MYL4: variants seen among roughly 807,000 people sequenced by gnomAD.
The protein encoded by MYL4 is atrial myosin light chain 1.
MYL4 carries 16 observed loss-of-function variants against 21.6 expected under a neutral mutation model. The ratio of observed to expected loss-of-function variants is 0.74; its 90% CI spans 0.50 to 1.12. The LOEUF (loss-of-function observed/expected upper bound fraction) is 1.12. MYL4 is among the 50% of genes most tolerant of loss of function. The pLI is 0.00. For synonymous variants in MYL4, 82 were observed against 95.7 expected (o/e 0.86, Z 0.83); for missense variants, 249 against 252.9 (o/e 0.98, Z 0.11).
At chr17:47,195,743 T>A (rs1026439295), upstream of MYL4, among the ~76,000 whole-genome samples, 4 of 152,234 alleles carry the variant, frequency 2.6e-5, no homozygotes, top group African/African-American at 9.6e-5. Flanking sequence ...CCTCCAAATA[T>A]ACTTCTTCCA....
chr17:47,216,537 A>G (rs1007958128), intron 2 of MYL4, among the ~76,000 whole-genome samples: 10 of 152,074 alleles, frequency 6.6e-5, no homozygotes. Flanking sequence ...CCTATAGCAT[A>G]TATTTTTTCA....
At chr17:47,190,956 G>C in the MYL4 span, among the ~76,000 whole-genome samples, 3 of 152,248 alleles carry the variant, frequency 2.0e-5, no homozygotes, top group Non-Finnish European at 2.9e-5. Flanking sequence ...TCACTCACAT[G>C]TCTAGGGTGT....
chr17:47,226,356 G>T (rs151050368), downstream of MYL4, among the ~76,000 whole-genome samples: 130 of 152,336 alleles, frequency 8.5e-4, no homozygotes, highest in African/African-American at 3.0e-3. Context: ...GTGCCCCAAG[G>T]TTGGTGCTTA....
upstream of MYL4, among the ~76,000 whole-genome samples, chr17:47,208,100 T>C (rs953912322): frequency 5.3e-5 from 8 of 152,142 alleles, no homozygotes; most frequent in South Asian, 1.2e-3. Context: ...AATCTCCCCA[T>C]GTGTAAAGTG....
the MYL4 span, among the ~76,000 whole-genome samples, chr17:47,191,034 TA>T: frequency 6.6e-6 from 1 of 152,220 alleles, no homozygotes; most frequent in African/African-American, 2.4e-5. Context: ...ACTGGCCTCT[TA>T]TGAGTCAGTA....
chr17:47,208,550 T>TACAC (rs55886095), upstream of MYL4, among the ~76,000 whole-genome samples: 4,436 of 145,934 alleles, frequency 0.03, 86 homozygotes, highest in Middle Eastern at 0.07. Context: ...TAGTAAGCAC[T>TACAC]ACACACACAC....
upstream of MYL4, among the ~76,000 whole-genome samples, chr17:47,204,048 G>T (rs2064718595): frequency 6.6e-6 from 1 of 152,180 alleles, no homozygotes; most frequent in African/African-American, 2.4e-5. Flanking sequence ...TCTAAAGTTG[G>T]GTTGCCCCCT....
intron 2 of MYL4, 108 bp from the exon 3 acceptor site, chr17:47,219,796 T>C: frequency 5.8e-6 from 8 of 1,380,788 alleles, no homozygotes; most frequent in Non-Finnish European, 8.2e-6. Context: ...TATTGGGATA[T>C]TTTAACAACC....
chr17:47,223,947 C>A (rs1471713658), downstream of MYL4, among the ~76,000 whole-genome samples: 2 of 152,164 alleles, frequency 1.3e-5, no homozygotes, highest in Non-Finnish European at 2.9e-5. Context: ...TGGGCTCACC[C>A]TCTACCTAAT....
intron 2 of MYL4, among the ~76,000 whole-genome samples, chr17:47,214,825 A>G (rs539072856): frequency 2.0e-5 from 3 of 152,238 alleles, no homozygotes; most frequent in Non-Finnish European, 4.4e-5. Flanking sequence ...TTTATTAAAT[A>G]TATACTTGGA....
intron 4 of MYL4, 42 bp downstream of exon 4, chr17:47,221,897 G>A (rs768389432): frequency 6.3e-7 from 1 of 1,588,444 alleles, no homozygotes; most frequent in Admixed American, 1.7e-5. Context: ...TGGGAGGAAT[G>A]GAGGGGTGGG....
chr17:47,209,675 GC>G, intron 1 of MYL4, 118 bp downstream of exon 1: 2 of 1,490,320 alleles, frequency 1.3e-6, no homozygotes, highest in Non-Finnish European at 9.3e-7. Flanking sequence ...GGGTGTCCAT[GC>G]CCCAGATCGC....
intron 2 of MYL4, among the ~76,000 whole-genome samples, chr17:47,219,627 G>A (rs767666183): frequency 1.3e-5 from 2 of 152,090 alleles, no homozygotes; most frequent in South Asian, 2.1e-4. Flanking sequence ...TCGGGCCGCA[G>A]CCTCCCAACA....
At chr17:47,223,999 A>G (rs1464631312), downstream of MYL4, among the ~76,000 whole-genome samples, 1 of 152,194 alleles carries the variant, frequency 6.6e-6, no homozygotes, top group Non-Finnish European at 1.5e-5. Context: ...AGGCTGAGGC[A>G]GGGACTCCTC....
intron 1 of MYL4, among the ~76,000 whole-genome samples, chr17:47,212,813 A>C (rs2064785824): frequency 6.6e-6 from 1 of 152,246 alleles, no homozygotes; most frequent in African/African-American, 2.4e-5. Context: ...TTGGAAAATC[A>C]GATGAACAAC....
chr17:47,192,400 A>G, the MYL4 span, among the ~76,000 whole-genome samples: 13,779 of 151,700 alleles, frequency 0.091, 1,174 homozygotes, highest in East Asian at 0.47. Flanking sequence ...CTGTAATCCC[A>G]GCACTTTAGG....
downstream of MYL4, among the ~76,000 whole-genome samples, chr17:47,224,886 G>A (rs575262397): frequency 6.6e-6 from 1 of 152,162 alleles, no homozygotes; most frequent in East Asian, 1.9e-4. Context: ...GGCTGAGAGA[G>A]GAGGAGAGTG....
intron 1 of MYL4, among the ~76,000 whole-genome samples, chr17:47,213,500 A>G (rs960196323): frequency 8.6e-5 from 13 of 152,006 alleles, no homozygotes; most frequent in African/African-American, 1.2e-4. Context: ...GTTGTTATGT[A>G]TTTTTTGTAT....
intron 1 of MYL4, among the ~76,000 whole-genome samples, chr17:47,211,058 A>C: frequency 6.7e-6 from 1 of 148,436 alleles, no homozygotes; most frequent in African/African-American, 2.5e-5. Flanking sequence ...TCTTTCATTC[A>C]CTCTCCTCTC....
Sources: allele counts gnomAD v4.1 joint callset (sites outside exome capture counted in the v4.1 genomes callset), GRCh38; gene constraint gnomAD v4.1.1; transcripts MANE v1.5; gene names NCBI Gene and HGNC (gene_info 2026-07-23, HGNC 2026-07-21).